SMARCA1: variants seen among roughly 807,000 people sequenced by gnomAD.
SMARCA1 encodes SWI/SNF-related matrix-associated actin-dependent regulator of chromatin subfamily A member 1.
Under a neutral mutation model 93.6 loss-of-function variants are expected in SMARCA1, and 17 were observed. The ratio of observed to expected loss-of-function variants is 0.18; its 90% confidence interval spans 0.12 to 0.27. The LOEUF (loss-of-function observed/expected upper bound fraction) is 0.27. Ranked by LOEUF, SMARCA1 falls within the 10% of genes least tolerant of loss-of-function variation. The pLI is 1.00. For synonymous variants in SMARCA1, 271 were observed against 271.4 expected, an observed-to-expected ratio of 1.00 and a Z score of 0.01; for missense variants, 630 against 819.0, an observed-to-expected ratio of 0.77 and a Z score of 2.82.
intron 18 of SMARCA1, 99 bp downstream of exon 18, chrX:129,480,976 G>A (rs1310416089): frequency 3.4e-6 from 2 of 579,798 alleles, no homozygotes; most frequent in Non-Finnish European, 2.7e-6. Context: ...ATATTTTAGA[G>A]ACTATGATTT....
intron 1 of SMARCA1, 124 bp downstream of exon 1, chrX:129,523,073 C>T: frequency 1.3e-6 from 1 of 798,608 alleles, no homozygotes. Context: ...ACCCCCGCAC[C>T]CGCCGCCCCT....
Position 129,468,790 on chromosome X carries a change from T to C in SMARCA1, c.2681A>G (p.Glu894Gly). The change falls in exon 21 of 25, where the codon GAG becomes GGG. Residue 894 changes from glutamate to glycine, a missense_variant. Around this residue, in one of 4 missense-constraint regions of SMARCA1, gnomAD observed 93 missense variants for 160.8 expected, o/e 0.58. Coordinates refer to ENST00000371121, the MANE Select transcript of SMARCA1 (RefSeq NM_001282874.2). Reference sequence around the variant, plus strand: ...ATACAAACCTGAATACTCCATGACCTCCTCAGGGGATTTGCCCTCTACCTC... The same window carrying C: ...ATACAAACCTGAATACTCCATGACCCCCTCAGGGGATTTGCCCTCTACCTC... ...AREVEGKSPE[E>G]VMEYSAVFWE... 1.7e-6 allele frequency: 2 copies of C among 1,186,452 alleles called. No individual in the cohort carries two copies. Among genetic ancestry groups the C allele is most frequent in the Non-Finnish European group, 2.3e-6 (2 of 876,628 alleles).
chrX:129,478,023 C>T (rs1034768526), intron 19 of SMARCA1, among the ~76,000 whole-genome samples: 2 of 111,506 alleles, frequency 1.8e-5, no homozygotes, highest in African/African-American at 6.5e-5. Context: ...ATATGAGGTG[C>T]CACCTGCCTC....
At chrX:129,522,875 C>T (rs1397185210) in intron 1 of SMARCA1, among the ~76,000 whole-genome samples, 1 of 111,403 alleles carries the variant, frequency 9.0e-6, no homozygotes. Flanking sequence ...TCCCCCACCC[C>T]GTTACCCGAG....
chrX:129,515,385 A>G (rs1433801566), intron 5 of SMARCA1, among the ~76,000 whole-genome samples: 1 of 110,100 alleles, frequency 9.1e-6, no homozygotes, highest in Non-Finnish European at 1.9e-5. Flanking sequence ...AAATTAGCCC[A>G]GTGTGGTGGG....
intron 19 of SMARCA1, among the ~76,000 whole-genome samples, chrX:129,471,735 T>C (rs1430033725): frequency 8.9e-6 from 1 of 112,228 alleles, no homozygotes; most frequent in Non-Finnish European, 1.9e-5. Flanking sequence ...GTCTGATCAG[T>C]TCAACATGCA....
chrX:129,498,519 A>G (rs995392004), intron 10 of SMARCA1, among the ~76,000 whole-genome samples: 3 of 111,587 alleles, frequency 2.7e-5, no homozygotes, highest in African/African-American at 9.8e-5. Context: ...CACCCGATCA[A>G]TGATAATATG....
intron 19 of SMARCA1, among the ~76,000 whole-genome samples, chrX:129,476,205 C>A (rs6634743): frequency 0.093 from 10,354 of 111,769 alleles, 431 homozygotes; most frequent in East Asian, 0.32. Context: ...AAGAGCAATG[C>A]AGCTTTTGAA....
intron 5 of SMARCA1, 32 bp from the exon 6 acceptor site, chrX:129,512,015 G>C: frequency 9.2e-7 from 1 of 1,082,003 alleles, no homozygotes; most frequent in Non-Finnish European, 1.2e-6. Context: ...AAAAATCCAT[G>C]AACATTTTTT....
intron 9 of SMARCA1, among the ~76,000 whole-genome samples, chrX:129,500,131 A>AAAAAT (rs1556310866): frequency 4.4e-4 from 47 of 105,999 alleles, no homozygotes; most frequent in African/African-American, 1.6e-3. Context: ...CTTAAAAAAA[A>AAAAAT]AAAAAAAAGA....
intron 16 of SMARCA1, among the ~76,000 whole-genome samples, chrX:129,487,716 G>A (rs1933952167): frequency 8.9e-6 from 1 of 111,896 alleles, no homozygotes; most frequent in South Asian, 3.7e-4. Flanking sequence ...AGGAGAGGGG[G>A]CCTATAGATT....
intron 19 of SMARCA1, among the ~76,000 whole-genome samples, chrX:129,477,094 T>A: frequency 9.1e-6 from 1 of 110,276 alleles, no homozygotes; most frequent in Non-Finnish European, 1.9e-5. Context: ...CTGAAGAGAG[T>A]CCAAGGCTAG....
intron 11 of SMARCA1, 146 bp from the exon 12 acceptor site, chrX:129,497,017 ACACACCCC>A: frequency 2.4e-6 from 1 of 419,331 alleles, no homozygotes; most frequent in Non-Finnish European, 4.1e-6. Context: ...ACACACACAC[ACACACCCC>A]CACACACCTT....
At chrX:129,460,859 T>C (rs1202852361) in intron 23 of SMARCA1, among the ~76,000 whole-genome samples, 1 of 111,962 alleles carries the variant, frequency 8.9e-6, no homozygotes, top group Non-Finnish European at 1.9e-5. Context: ...TAATTAACAT[T>C]TAATACCTCC....
chrX:129,498,768 T>C lies in SMARCA1; in HGVS notation c.1278-697A>G, dbSNP rs771613643. 8.0e-5 allele frequency among the ~76,000 whole-genome samples: 9 copies of C among 111,827 alleles called. No individual in the cohort carries two copies. In the East Asian group the frequency reaches 2.5e-3, roughly 31 times the overall value. ...GTCCAAAGAATATACTCTTAATCTC[T>C]ACCCTATACTGGCTTATGTAGTAAA... On this transcript the variant is annotated intron_variant, in intron 10 of 24. Transcript: ENST00000371121.
chrX:129,499,055 TGA>T (rs1449509761), intron 10 of SMARCA1, among the ~76,000 whole-genome samples: 1 of 110,957 alleles, frequency 9.0e-6, no homozygotes, highest in Non-Finnish European at 1.9e-5. Flanking sequence ...CTTTTTTTTT[TGA>T]GACACGGTCT....
At chrX:129,473,348 A>G (rs1933227500) in intron 19 of SMARCA1, among the ~76,000 whole-genome samples, 1 of 111,946 alleles carries the variant, frequency 8.9e-6, no homozygotes, top group African/African-American at 3.2e-5. Flanking sequence ...GAAAAGGTGT[A>G]CATTTAAAAT....
intron 21 of SMARCA1, 40 bp from the exon 22 acceptor site, chrX:129,466,002 A>T (rs780951947): frequency 1.5e-6 from 1 of 675,687 alleles, no homozygotes; most frequent in Admixed American, 3.2e-5. Context: ...CTATCATTTA[A>T]GCAAATAAAT....
At chrX:129,494,362 CAG>C (rs1424312412) in intron 12 of SMARCA1, among the ~76,000 whole-genome samples, 2 of 111,632 alleles carry the variant, frequency 1.8e-5, no homozygotes, top group African/African-American at 6.5e-5. Flanking sequence ...GTTGCCATCT[CAG>C]AGAGAGTGAA....
Sources: allele counts gnomAD v4.1 joint callset (sites outside exome capture counted in the v4.1 genomes callset), GRCh38; gene constraint gnomAD v4.1.1; regional missense constraint gnomAD v4.1.1; transcripts MANE v1.5; gene names NCBI Gene and HGNC (gene_info 2026-07-23, HGNC 2026-07-21).